MARCHF4: variants seen among roughly 807,000 people sequenced by gnomAD.
The protein encoded by MARCHF4 is membrane associated ring-CH-type finger 4, also known as E3 ubiquitin-protein ligase MARCHF4.
MARCHF4 carries 14 observed loss-of-function variants against 43.9 expected under a neutral mutation model. The ratio of observed to expected loss-of-function variants is 0.32; its 90% CI spans 0.21 to 0.50. The LOEUF is 0.50. Ranked by LOEUF, MARCHF4 falls within the 20% of genes least tolerant of loss-of-function variation. The probability of loss-of-function intolerance (pLI) is 0.98; values close to 1 mark genes in which losing one functional copy is unlikely to be tolerated. For missense variants in MARCHF4, 468 were observed against 536.7 expected (o/e 0.87, Z 1.27); for synonymous variants, 226 against 213.3 (o/e 1.06, Z -0.52).
chr2:216,260,096 C>T (rs1690717228), intron 3 of MARCHF4, among the ~76,000 whole-genome samples: 1 of 152,212 alleles, frequency 6.6e-6, no homozygotes, highest in Admixed American at 6.5e-5. Flanking sequence ...TCCACACCTG[C>T]TAAAGGTTGC....
chr2:216,364,821 AG>A (rs1248425737), intron 1 of MARCHF4, among the ~76,000 whole-genome samples: 2 of 152,264 alleles, frequency 1.3e-5, no homozygotes, highest in Non-Finnish European at 2.9e-5. Context: ...CCATTTGGCT[AG>A]TACAGAATCC....
chr2:216,324,257 T>G (rs1691951997), intron 1 of MARCHF4, among the ~76,000 whole-genome samples: 1 of 147,114 alleles, frequency 6.8e-6, no homozygotes, highest in Non-Finnish European at 1.5e-5. Context: ...CTCCCAAGAC[T>G]AAACCAGGAA....
At chr2:216,330,618 G>A (rs62181085) in intron 1 of MARCHF4, among the ~76,000 whole-genome samples, 8,182 of 152,126 alleles carry the variant, frequency 0.054, 330 homozygotes, top group South Asian at 0.2. Context: ...AACATATATT[G>A]TGGCAAAAAC....
At chr2:216,328,714 C>A (rs936835950) in intron 1 of MARCHF4, among the ~76,000 whole-genome samples, 1 of 152,176 alleles carries the variant, frequency 6.6e-6, no homozygotes, top group Non-Finnish European at 1.5e-5. Flanking sequence ...ACAATGACAT[C>A]TTATGGGGGA....
chr2:216,339,851 G>A (rs1692210507), intron 1 of MARCHF4, among the ~76,000 whole-genome samples: 1 of 151,996 alleles, frequency 6.6e-6, no homozygotes, highest in African/African-American at 2.4e-5. Context: ...ACCCAGCCAG[G>A]GCAATAAGGT....
At position 216,284,639 on chromosome 2, in the gene MARCHF4, A is replaced by AT. The variant is rs199940146; in HGVS notation, c.517-911dup. ...CACCACCATGCCCGACTAATTTTTT[A>AT]TTTTTTTTGTGAGATGGGGTCTCTT... On this transcript the variant is annotated intron_variant, in intron 1 of 3. Transcript: ENST00000273067. Among the ~76,000 whole-genome samples the AT allele has an allele frequency of 6.0e-4, 91 of 151,718 alleles. 2 individuals are homozygous for AT. The East Asian group carries it at 0.013, about 22-fold the overall frequency.
intron 1 of MARCHF4, among the ~76,000 whole-genome samples, chr2:216,354,668 C>T (rs751601729): frequency 3.9e-5 from 6 of 152,110 alleles, no homozygotes; most frequent in Non-Finnish European, 5.9e-5. Context: ...AGGAAATGGA[C>T]GACAGGACAT....
At chr2:216,337,176 A>G (rs1447015531) in intron 1 of MARCHF4, among the ~76,000 whole-genome samples, 1 of 152,090 alleles carries the variant, frequency 6.6e-6, no homozygotes, top group Non-Finnish European at 1.5e-5. Context: ...AGAAAGGTTA[A>G]AAAAGAATGA....
At chr2:216,349,882 T>C (rs1407855129) in intron 1 of MARCHF4, among the ~76,000 whole-genome samples, 1 of 152,116 alleles carries the variant, frequency 6.6e-6, no homozygotes, top group Non-Finnish European at 1.5e-5. Flanking sequence ...GCTCAAAATC[T>C]TTATTATGTA....
intron 2 of MARCHF4, among the ~76,000 whole-genome samples, chr2:216,281,695 TC>T (rs1324563556): frequency 6.6e-6 from 1 of 152,158 alleles, no homozygotes; most frequent in Non-Finnish European, 1.5e-5. Flanking sequence ...TCCAGTGCTA[TC>T]CAGAAGTGAG....
At chr2:216,269,911 C>T (rs889412285) in intron 3 of MARCHF4, among the ~76,000 whole-genome samples, 4 of 152,140 alleles carry the variant, frequency 2.6e-5, no homozygotes, top group Non-Finnish European at 2.9e-5. Context: ...CTTCAACTGT[C>T]CCTTACTTGG....
At chr2:216,279,790 G>A (rs1691098690) in intron 2 of MARCHF4, among the ~76,000 whole-genome samples, 1 of 152,182 alleles carries the variant, frequency 6.6e-6, no homozygotes, top group South Asian at 2.1e-4. Flanking sequence ...CCCCCGCCTA[G>A]GGTTACACAT....
At chr2:216,302,312 G>A (rs1407642537) in intron 1 of MARCHF4, among the ~76,000 whole-genome samples, 1 of 151,692 alleles carries the variant, frequency 6.6e-6, no homozygotes, top group Non-Finnish European at 1.5e-5. Context: ...TCCGCCTCCT[G>A]GGTTCACTCC....
chr2:216,300,348 A>ACACATATATATACGTCTATATATG (rs1463914310), intron 1 of MARCHF4, among the ~76,000 whole-genome samples: 1 of 120,578 alleles, frequency 8.3e-6, no homozygotes, highest in African/African-American at 2.9e-5. Context: ...ATATATATAT[A>ACACATATATATACGTCTATATATG]TGTATATATA....
At position 216,369,785 on chromosome 2, in the gene MARCHF4, C is replaced by A; in HGVS notation, c.476G>T (p.Arg159Met). 1 of 1,610,108 alleles carries A rather than the reference C, an allele frequency of 6.2e-7. No homozygotes were observed. The highest frequency in any genetic ancestry group is 8.5e-7 in the Non-Finnish European group (1 of 1,177,512). ...GAAGCAGATGCGGCAGAGTGGGGTCCTCATACCACTGTCCAAGCTGCTGCC... is the reference window on the plus strand; with the variant it reads ...GAAGCAGATGCGGCAGAGTGGGGTCATCATACCACTGTCCAAGCTGCTGCC... Reference protein sequence around the residue: ...SLGSSLDSGMRTPLCRICFQG... With the variant: ...SLGSSLDSGMMTPLCRICFQG... The change falls in exon 1 of 4, where the codon AGG becomes ATG. Residue 159 changes from arginine (R) to methionine (M), a missense_variant. By Grantham distance (91) the Arg-to-Met change is moderately conservative. Transcript: ENST00000273067.
chr2:216,328,384 C>T (rs1692029865), intron 1 of MARCHF4, among the ~76,000 whole-genome samples: 2 of 152,300 alleles, frequency 1.3e-5, no homozygotes, highest in Middle Eastern at 3.4e-3. Context: ...CCAGAATGGT[C>T]TCGATCTCCT....
In MARCHF4 at chr2:216,283,558, C is replaced by T; in HGVS notation, c.672+16G>A. On this transcript the variant is annotated intron_variant, in intron 2 of 3. Transcript: ENST00000273067. ...CCCCAGGCCCAGCAACCCCACCAGGCAGCCCTGGGTTGTACCTGCAGAGGA... is the reference window on the plus strand; with the variant it reads ...CCCCAGGCCCAGCAACCCCACCAGGTAGCCCTGGGTTGTACCTGCAGAGGA... 6.4e-7 allele frequency: 1 copy of T among 1,571,916 alleles called. No individual in the cohort carries two copies. Among genetic ancestry groups the T allele is most frequent in the Non-Finnish European group, 8.7e-7 (1 of 1,149,010 alleles).
intron 1 of MARCHF4, among the ~76,000 whole-genome samples, chr2:216,341,782 G>A (rs938017421): frequency 3.9e-5 from 6 of 152,180 alleles, no homozygotes; most frequent in Non-Finnish European, 5.9e-5. Flanking sequence ...CTACTGGGCT[G>A]GGAATTAACC....
chr2:216,281,562 C>A (rs1216943873), intron 2 of MARCHF4, among the ~76,000 whole-genome samples: 6 of 152,216 alleles, frequency 3.9e-5, no homozygotes, highest in Non-Finnish European at 4.4e-5. Context: ...CCAGAAGTTG[C>A]CCACTGTACT....
Sources: allele counts gnomAD v4.1 joint callset (sites outside exome capture counted in the v4.1 genomes callset), GRCh38; gene constraint gnomAD v4.1.1; transcripts MANE v1.5; gene names NCBI Gene and HGNC (gene_info 2026-07-23, HGNC 2026-07-21).